EED: variants seen among roughly 807,000 people sequenced by gnomAD.
EED encodes the protein polycomb protein EED.
Under a neutral mutation model 61.0 loss-of-function variants are expected in EED, and 9 were observed. That is an observed-to-expected ratio of 0.15 (90% CI 0.09 to 0.26). The LOEUF (loss-of-function observed/expected upper bound fraction) is 0.26. EED is among the 10% of genes least tolerant of loss of function. The pLI is 1.00. For synonymous variants in EED, 187 were observed against 174.4 expected, an observed-to-expected ratio of 1.07 and a Z score of -0.57; for missense variants, 315 against 542.3, an observed-to-expected ratio of 0.58 and a Z score of 4.16.
chr11:86,245,406 G>A, intron 1 of EED, 63 bp downstream of exon 1: 1 of 1,373,846 alleles, frequency 7.3e-7, no homozygotes, highest in Non-Finnish European at 1.0e-6. Context: ...TTTTAAAACG[G>A]GGGGCGCGGG....
chr11:86,254,895 A>AT (rs1945631103), intron 3 of EED, among the ~76,000 whole-genome samples: 2 of 152,266 alleles, frequency 1.3e-5, no homozygotes, highest in Admixed American at 6.5e-5. Flanking sequence ...TGCTGGGATT[A>AT]CAGGCGTGAG....
At chr11:86,279,616 C>A (rs1182906521), downstream of EED, among the ~76,000 whole-genome samples, 1 of 151,684 alleles carries the variant, frequency 6.6e-6, no homozygotes, top group African/African-American at 2.4e-5. Flanking sequence ...GAGAAAAATA[C>A]AAAAGACTGA....
At chr11:86,257,990 A>G (rs1039984465) in intron 6 of EED, among the ~76,000 whole-genome samples, 3 of 152,160 alleles carry the variant, frequency 2.0e-5, no homozygotes, top group Non-Finnish European at 4.4e-5. Flanking sequence ...ATTTCCATAT[A>G]AACATCTTTT....
downstream of EED, among the ~76,000 whole-genome samples, chr11:86,280,138 G>C (rs369930936): frequency 1.3e-5 from 2 of 152,108 alleles, no homozygotes; most frequent in African/African-American, 4.8e-5. Context: ...CCAGTCTGGA[G>C]TGCAGTGGTG....
the EED span, among the ~76,000 whole-genome samples, chr11:86,286,064 T>C: frequency 2.6e-5 from 4 of 152,184 alleles, no homozygotes; most frequent in East Asian, 7.8e-4. Flanking sequence ...AGAGTCTCGC[T>C]CTGTCGCCCA....
chr11:86,275,097 G>C (rs748147157), intron 9 of EED, among the ~76,000 whole-genome samples: 5 of 152,016 alleles, frequency 3.3e-5, no homozygotes, highest in Non-Finnish European at 7.4e-5. Context: ...CTCTTATCTA[G>C]TCTGGAATAC....
chr11:86,284,460 T>C, the EED span: 8 of 152,280 alleles, frequency 5.3e-5, no homozygotes, highest in African/African-American at 1.9e-4. Context: ...GAGGGCTCTT[T>C]TGGAAGTGCA....
At chr11:86,259,314 T>C (rs1945767895) in intron 6 of EED, among the ~76,000 whole-genome samples, 1 of 151,590 alleles carries the variant, frequency 6.6e-6, no homozygotes, top group Admixed American at 6.6e-5. Context: ...AGAAAAAATA[T>C]TTATAAATCA....
intron 2 of EED, 136 bp from the exon 3 acceptor site, chr11:86,252,012 G>A: frequency 2.0e-6 from 1 of 507,524 alleles, no homozygotes; most frequent in Non-Finnish European, 3.4e-6. Flanking sequence ...TAATTTTAGT[G>A]TCAAAAGTTA....
Position 86,260,357 on chromosome 11 carries a change from G to T in EED, c.634+2761G>T, listed in dbSNP as rs532457645. 4.6e-5 allele frequency among the ~76,000 whole-genome samples: 7 copies of T among 152,116 alleles called. No individual in the cohort carries two copies. The East Asian group carries it at 1.4e-3, about 29-fold the overall frequency. On this transcript the variant is annotated intron_variant, in intron 6 of 11. Transcript: ENST00000263360. ...TGTTCCCACCTCATCCTTCTGAGTAGCTGGGACTACATGTGCACACCACCA... is the reference window on the plus strand; with the variant it reads ...TGTTCCCACCTCATCCTTCTGAGTATCTGGGACTACATGTGCACACCACCA...
intron 2 of EED, among the ~76,000 whole-genome samples, chr11:86,251,841 G>T (rs1017824152): frequency 6.6e-6 from 1 of 152,184 alleles, no homozygotes; most frequent in Admixed American, 6.5e-5. Context: ...AGTTTATTGT[G>T]ATTCAGAATA....
downstream of EED, among the ~76,000 whole-genome samples, chr11:86,280,784 A>G (rs886719638): frequency 2.0e-5 from 3 of 152,246 alleles, no homozygotes; most frequent in East Asian, 1.9e-4. Context: ...ACTAATGAGT[A>G]TGATGTTAGT....
intron 8 of EED, 134 bp from the exon 9 acceptor site, chr11:86,268,322 G>T (rs768938888): frequency 8.5e-5 from 46 of 541,758 alleles, no homozygotes; most frequent in Non-Finnish European, 1.4e-4. Context: ...AAGGTGGTTG[G>T]TTATGTAGGA....
intron 1 of EED, among the ~76,000 whole-genome samples, chr11:86,249,933 G>A (rs1214409811): frequency 1.3e-5 from 2 of 152,178 alleles, no homozygotes; most frequent in East Asian, 1.9e-4. Flanking sequence ...GGAATTACCA[G>A]CCAAGAGACC....
At chr11:86,258,681 G>T (rs540242210) in intron 6 of EED, among the ~76,000 whole-genome samples, 1 of 150,856 alleles carries the variant, frequency 6.6e-6, no homozygotes, top group East Asian at 2.0e-4. Context: ...TCAGCCTCTC[G>T]AGTAGCTGGG....
intron 4 of EED, among the ~76,000 whole-genome samples, chr11:86,255,871 T>G (rs1448301541): frequency 6.6e-6 from 1 of 152,172 alleles, no homozygotes. Context: ...CCAGATCCAT[T>G]TGAAAAACCT....
At chr11:86,270,755 A>G (rs1485512742) in intron 9 of EED, among the ~76,000 whole-genome samples, 1 of 152,230 alleles carries the variant, frequency 6.6e-6, no homozygotes, top group African/African-American at 2.4e-5. Context: ...CAGTTGTTCC[A>G]TCAGCATTTG....
intron 9 of EED, among the ~76,000 whole-genome samples, chr11:86,270,926 A>G (rs965829880): frequency 6.6e-6 from 1 of 152,164 alleles, no homozygotes; most frequent in South Asian, 2.1e-4. Flanking sequence ...TTGTAGCTCT[A>G]TAATTATTCT....
rs766150427 is a variant in EED at position 86,250,352 on chromosome 11, A to C, written c.171A>C (p.Thr57=). 1 of 1,609,282 alleles carries C rather than the reference A, an allele frequency of 6.2e-7. No homozygotes were observed. The highest frequency in any genetic ancestry group is 1.1e-5 in the South Asian group (1 of 90,370). ...ACACTGAACGCCCTGATACACCTAC[A>C]AACACGCCAAATGCACCTGGAAGGA... ...GTNTERPDTP[T]NTPNAPGRKS... Residue 57 remains threonine, a synonymous_variant, in exon 2 of 12, where the codon ACA becomes ACC. Coordinates refer to ENST00000263360, the MANE Select transcript of EED (RefSeq NM_003797.5).
Sources: gnomAD v4.1 joint callset for allele counts (sites outside exome capture counted in the v4.1 genomes callset) on GRCh38, gnomAD v4.1.1 for gene constraint, MANE v1.5 for transcripts, NCBI Gene and HGNC (gene_info 2026-07-23, HGNC 2026-07-21) for gene names.